The following MGAT5 variants were observed in gnomAD, a reference collection of about 807,000 sequenced individuals.
MGAT5 encodes alpha-1,6-mannosylglycoprotein 6-beta-N-acetylglucosaminyltransferase, also known as alpha-1,6-mannosylglycoprotein 6-beta-N-acetylglucosaminyltransferase A.
MGAT5 carries 30 observed loss-of-function variants against 94.3 expected under a neutral mutation model. That is an observed-to-expected ratio of 0.32 (90% CI 0.24 to 0.43). The LOEUF (loss-of-function observed/expected upper bound fraction) is 0.43. MGAT5 is among the 20% of genes least tolerant of loss of function. MGAT5 has a pLI of 1.00. For synonymous variants in MGAT5, 310 were observed against 322.9 expected (o/e 0.96, Z 0.43); for missense variants, 691 against 905.5 (o/e 0.76, Z 3.04).
chr2:134,446,822 G>T (rs1330353077), intron 15 of MGAT5, among the ~76,000 whole-genome samples: 1 of 152,194 alleles, frequency 6.6e-6, no homozygotes, highest in African/African-American at 2.4e-5. Context: ...GGCGCCGCAG[G>T]CTCTGGGGGA....
chr2:134,174,780 G>A (rs111241903), intron 1 of MGAT5, among the ~76,000 whole-genome samples: 1 of 152,336 alleles, frequency 6.6e-6, no homozygotes, highest in South Asian at 2.1e-4. Context: ...CTTGGCTGGG[G>A]TGCATAGCTT....
chr2:134,247,706 G>C (rs2593704), intron 1 of MGAT5, among the ~76,000 whole-genome samples: 120,591 of 152,136 alleles, frequency 0.79, 48,099 homozygotes, highest in African/African-American at 0.87. Context: ...CCCTACTCCT[G>C]TGGCTCTAAC....
chr2:134,364,636 C>A (rs933935251), intron 10 of MGAT5, among the ~76,000 whole-genome samples: 2 of 152,134 alleles, frequency 1.3e-5, no homozygotes, highest in Non-Finnish European at 2.9e-5. Flanking sequence ...CTGTGCAGCA[C>A]CTAAAGATTA....
At chr2:134,237,149 G>GTGTGTGTGTGTGCA (rs1553499213) in intron 1 of MGAT5, among the ~76,000 whole-genome samples, 6,044 of 87,648 alleles carry the variant, frequency 0.069, 221 homozygotes, top group Middle Eastern at 0.21. Context: ...GTGTGTGTGT[G>GTGTGTGTGTGTGCA]CGCGTGTGTG....
Position 134,449,026 on chromosome 2 carries a change from C to A in MGAT5, c.*179C>A. On this transcript the variant is annotated 3_prime_UTR_variant, in exon 16 of 16. Coordinates refer to ENST00000281923, the MANE Select transcript of MGAT5 (RefSeq NM_002410.5). ...CCGAGCAACCCAGTGGAGTCTTCAC[C>A]AAAACAAAACAAGAGCGTATGTCAG... 1 of 617,016 alleles carries A rather than the reference C, an allele frequency of 1.6e-6. No homozygotes were observed. The highest frequency in any genetic ancestry group is 2.8e-6 in the Non-Finnish European group (1 of 352,776). 38.2% of individuals were successfully genotyped at this position (617,016 alleles called of 1,614,324 possible). A position where few individuals can be genotyped will look rare whatever the true frequency, so the allele number is the denominator to read the frequency against.
At chr2:134,273,622 CTGTGTGTG>C (rs3034326) in intron 2 of MGAT5, among the ~76,000 whole-genome samples, 5 of 149,792 alleles carry the variant, frequency 3.3e-5, no homozygotes, top group African/African-American at 7.3e-5. Context: ...GGGGATAGCT[CTGTGTGTG>C]TGTGTGTGTG....
At chr2:134,385,931 G>C (rs1325202035) in intron 10 of MGAT5, among the ~76,000 whole-genome samples, 2 of 152,126 alleles carry the variant, frequency 1.3e-5, no homozygotes, top group African/African-American at 4.8e-5. Flanking sequence ...GGTTCTAATA[G>C]AGTGGGGAAA....
At chr2:134,232,843 GTCT>G (rs1681441248) in intron 1 of MGAT5, among the ~76,000 whole-genome samples, 1 of 152,182 alleles carries the variant, frequency 6.6e-6, no homozygotes, top group South Asian at 2.1e-4. Context: ...GTTATGGTGT[GTCT>G]TCTTGTATGT....
intron 1 of MGAT5, among the ~76,000 whole-genome samples, chr2:134,240,296 G>A (rs979259055): frequency 1.3e-5 from 2 of 151,986 alleles, no homozygotes; most frequent in African/African-American, 4.8e-5. Flanking sequence ...TTCCCATCTG[G>A]TGGCTCTCAT....
intron 1 of MGAT5, among the ~76,000 whole-genome samples, chr2:134,136,424 G>C (rs540079381): frequency 4.0e-4 from 61 of 152,194 alleles, no homozygotes; most frequent in African/African-American, 1.3e-3. Flanking sequence ...AAAATTAGCT[G>C]AGCGTGGTGG....
chr2:134,320,219 C>G (rs1431316540), intron 4 of MGAT5: 1 of 152,190 alleles, frequency 6.6e-6, no homozygotes, highest in Non-Finnish European at 1.5e-5. Flanking sequence ...TTTATTATAA[C>G]AGAAACAACT....
In MGAT5 at chr2:134,346,829, G is replaced by A. The variant is rs374409524; in HGVS notation, c.1112+1765G>A. Among the ~76,000 whole-genome samples, 3 of 152,150 alleles carry A rather than the reference G, an allele frequency of 2.0e-5. No homozygotes were observed. In the East Asian group the frequency reaches 5.8e-4, roughly 29 times the overall value. ...TTTTACTTCCTACAAGGCCTTTGTT[G>A]AAGGACATACAAGAAAGTAAACTGC... On this transcript the variant is annotated intron_variant, in intron 8 of 15. Transcript: ENST00000281923.
chr2:134,208,510 A>G (rs1680130042), intron 1 of MGAT5, among the ~76,000 whole-genome samples: 1 of 152,230 alleles, frequency 6.6e-6, no homozygotes, highest in Non-Finnish European at 1.5e-5. Context: ...CTGGTAAGCT[A>G]CTTAGGAACA....
At chr2:134,187,712 A>G (rs1235886061) in intron 1 of MGAT5, among the ~76,000 whole-genome samples, 3 of 152,252 alleles carry the variant, frequency 2.0e-5, no homozygotes, top group East Asian at 1.9e-4. Context: ...GCAGGCAGCA[A>G]ATGTTCAAAA....
At chr2:134,277,351 T>C (rs1684441051) in intron 2 of MGAT5, among the ~76,000 whole-genome samples, 1 of 152,152 alleles carries the variant, frequency 6.6e-6, no homozygotes, top group Non-Finnish European at 1.5e-5. Flanking sequence ...TTTAACTGAC[T>C]CAGAGTTCCA....
chr2:134,368,893 C>A (rs1482789219), intron 10 of MGAT5, among the ~76,000 whole-genome samples: 5 of 152,204 alleles, frequency 3.3e-5, no homozygotes, highest in African/African-American at 1.2e-4. Context: ...CTGTCCTGCT[C>A]ACCCCAACTG....
At chr2:134,326,359 C>T (rs76970853) in intron 4 of MGAT5, among the ~76,000 whole-genome samples, 5,215 of 152,084 alleles carry the variant, frequency 0.034, 280 homozygotes, top group African/African-American at 0.11. Flanking sequence ...CAAGTTGCCC[C>T]GCTTTGGCCA....
intron 4 of MGAT5, 120 bp downstream of exon 4, chr2:134,318,859 C>T (rs1305713628): frequency 1.1e-5 from 7 of 629,778 alleles, no homozygotes; most frequent in Non-Finnish European, 2.0e-5. Flanking sequence ...ACCTATGGTT[C>T]CGTCCTTCAT....
intron 10 of MGAT5, among the ~76,000 whole-genome samples, chr2:134,393,692 A>T (rs891165602): frequency 6.6e-6 from 1 of 152,126 alleles, no homozygotes; most frequent in Non-Finnish European, 1.5e-5. Flanking sequence ...ACTACTCTAG[A>T]ATCATATGAT....
Sources: gnomAD v4.1 joint callset for allele counts (sites outside exome capture counted in the v4.1 genomes callset) on GRCh38, gnomAD v4.1.1 for gene constraint, MANE v1.5 for transcripts, NCBI Gene and HGNC (gene_info 2026-07-23, HGNC 2026-07-21) for gene names.